Variants in TLE3 observed in about 807,000 individuals in gnomAD.
TLE3 encodes transducin-like enhancer protein 3.
Under a neutral mutation model 93.0 loss-of-function variants are expected in TLE3, and 14 were observed. That is an observed-to-expected ratio of 0.15 (90% CI 0.10 to 0.24). The LOEUF is 0.24. Ranked by LOEUF, TLE3 falls within the 10% of genes least tolerant of loss-of-function variation. The pLI is 1.00. For missense variants in TLE3, 693 were observed against 1,046.6 expected, an observed-to-expected ratio of 0.66 and a Z score of 4.66; for synonymous variants, 451 against 425.0, an observed-to-expected ratio of 1.06 and a Z score of -0.75.
chr15:70,097,306 C>T lies in TLE3; in HGVS notation c.-508G>A, dbSNP rs1194379403. On this transcript the variant is annotated 5_prime_UTR_variant, in exon 1 of 20. Coordinates refer to ENST00000451782, the MANE Select transcript of TLE3 (RefSeq NM_001105192.3). ...ATCCTAGAGGCGTCCGGGCCTGGGG[C>T]TCGCGGCGAGAAGAGGAAGGAGGCG... 2 of 401,066 alleles carry T rather than the reference C, an allele frequency of 5.0e-6. No individual in the cohort carries two copies. The highest frequency in any genetic ancestry group is 8.8e-6 in the Non-Finnish European group (2 of 227,878). The allele number at this position is 401,066 out of a possible 1,614,324, so 24.8% of individuals were successfully genotyped here. A position where few individuals can be genotyped will look rare whatever the true frequency, so the allele number is the denominator to read the frequency against.
At chr15:70,066,519 T>C (rs192069697) in intron 6 of TLE3, 213 of 323,878 alleles carry the variant, frequency 6.6e-4, no homozygotes, top group African/African-American at 4.2e-3. Context: ...AGATAAAGAA[T>C]GCATGCATTT....
Position 70,058,761 on chromosome 15 carries a change from C to T in TLE3, c.820G>A (p.Asp274Asn). 2 of 1,609,766 alleles carry T rather than the reference C, an allele frequency of 1.2e-6. No homozygotes were observed. The highest frequency in any genetic ancestry group is 8.5e-7 in the Non-Finnish European group (1 of 1,178,202). Residue 274 changes from aspartate (D) to asparagine (N), a missense_variant, in exon 11 of 20, where the codon GAC (aspartate) becomes AAC (asparagine). This residue lies in a region of TLE3 where 405 missense variants were observed against 468.9 expected (regional missense o/e 0.86). Coordinates refer to ENST00000451782, the MANE Select transcript of TLE3 (RefSeq NM_001105192.3). The surrounding 1 kb of genome is among the most constrained non-coding windows in gnomAD (Gnocchi z 4.1). Reference protein sequence around the residue: ...PAHSPPENGLDKARSLKKDAP... With the variant: ...PAHSPPENGLNKARSLKKDAP... ...TCTTTTTTCAGGCTACGGGCCTTGT[C>T]CAGCCCATTTTCAGGAGGGGAGTGT... is the stretch of plus-strand genomic sequence containing the variant.
rs148453730 is a variant in TLE3 at position 70,090,361 on chromosome 15, A to C, written c.234+4171T>G. Among the ~76,000 whole-genome samples the C allele has an allele frequency of 3.6e-3, 551 of 152,300 alleles. 3 individuals carry two copies. Among genetic ancestry groups the C allele is most frequent in the African/African-American group, 0.013 (526 of 41,558 alleles). ...AAAGAAAAAAAAAATTTCACAGCTC[A>C]ACTCAGATGCCACACAAATAGGCAC... is the stretch of plus-strand genomic sequence containing the variant. On this transcript the variant is annotated intron_variant, in intron 4 of 19. Transcript: ENST00000451782.
chr15:70,090,765 G>A (rs1312368504), intron 4 of TLE3, among the ~76,000 whole-genome samples: 1 of 152,130 alleles, frequency 6.6e-6, no homozygotes, highest in Non-Finnish European at 1.5e-5. Flanking sequence ...TATGCATTAT[G>A]TATTATTATT....
chr15:70,055,532 T>C (rs954678703), intron 14 of TLE3: 2 of 460,586 alleles, frequency 4.3e-6, no homozygotes, highest in Non-Finnish European at 7.3e-6. Context: ...TTGCTTCAAA[T>C]CAGACCAGAA....
At chr15:70,078,378 T>C (rs1042989965) in intron 4 of TLE3, among the ~76,000 whole-genome samples, 5 of 151,898 alleles carry the variant, frequency 3.3e-5, no homozygotes, top group Non-Finnish European at 7.4e-5. Flanking sequence ...TAGAAAGATA[T>C]GTAAAAAACA....
At position 70,097,408 on chromosome 15, in the gene TLE3, C is replaced by G. The variant is rs957564229; in HGVS notation, c.-610G>C. 18 of 410,150 alleles carry G rather than the reference C, an allele frequency of 4.4e-5. No individual in the cohort carries two copies. In the East Asian group the frequency reaches 5.7e-4, roughly 13 times the overall value. The allele number at this position is 410,150 out of a possible 1,614,324, so 25.4% of individuals were successfully genotyped here. On this transcript the variant is annotated 5_prime_UTR_variant, in exon 1 of 20. Transcript: ENST00000451782. The stretch of plus-strand genomic sequence containing the variant: ...GAGCCCGGCGCGGGCGCTTCGACGC[C>G]CCCCCTCGGAGAGGAGAGCCTGCTG...
At chr15:70,061,098 T>C (rs1198199337) in intron 8 of TLE3, among the ~76,000 whole-genome samples, 1 of 152,088 alleles carries the variant, frequency 6.6e-6, no homozygotes, top group East Asian at 1.9e-4. Context: ...TGAGCAATAC[T>C]TCATTTGCTG....
chr15:70,061,132 G>T (rs977496297), intron 8 of TLE3, among the ~76,000 whole-genome samples: 1 of 152,188 alleles, frequency 6.6e-6, no homozygotes, highest in African/African-American at 2.4e-5. Flanking sequence ...TGGGGAGATT[G>T]ATAGGGAAGG....
At chr15:70,079,804 A>T (rs2057669442) in intron 4 of TLE3, among the ~76,000 whole-genome samples, 1 of 152,104 alleles carries the variant, frequency 6.6e-6, no homozygotes, top group Non-Finnish European at 1.5e-5. Context: ...GTGTGCATCC[A>T]CAATAACCCC....
chr15:70,067,290 C>G (rs925977117), intron 6 of TLE3, among the ~76,000 whole-genome samples: 1 of 152,202 alleles, frequency 6.6e-6, no homozygotes, highest in African/African-American at 2.4e-5. Context: ...TGGTATCCAC[C>G]TATGCACACA....
intron 19 of TLE3, chr15:70,051,122 A>G: frequency 3.0e-6 from 1 of 329,296 alleles, no homozygotes; most frequent in Non-Finnish European, 5.7e-6. Context: ...TCACTCTCCA[A>G]ATCCGACAAG....
chr15:70,059,135 C>T (rs574728044), intron 10 of TLE3, among the ~76,000 whole-genome samples: 3 of 152,138 alleles, frequency 2.0e-5, no homozygotes, highest in Non-Finnish European at 4.4e-5. Flanking sequence ...CGGAGGATCA[C>T]GGGGAATAGA....
intron 4 of TLE3, among the ~76,000 whole-genome samples, chr15:70,080,890 T>C (rs1378569330): frequency 6.6e-6 from 1 of 152,146 alleles, no homozygotes; most frequent in Non-Finnish European, 1.5e-5. Context: ...AGCCAGTCCT[T>C]GCCCTTATTT....
chr15:70,055,359 G>A, intron 14 of TLE3, 61 bp from the exon 15 acceptor site: 1 of 1,525,234 alleles, frequency 6.6e-7, no homozygotes, highest in Non-Finnish European at 8.8e-7. Flanking sequence ...GTTCCCATAG[G>A]CCTGGCCCAG....
At chr15:70,067,175 C>T (rs2056867332) in intron 6 of TLE3, among the ~76,000 whole-genome samples, 1 of 152,194 alleles carries the variant, frequency 6.6e-6, no homozygotes, top group African/African-American at 2.4e-5. Context: ...CTCCAGAGGC[C>T]CAACTTCCCC....
rs980310275 is a variant in TLE3 at position 70,054,231 on chromosome 15, C to T, written c.1826+207G>A. The T allele has an allele frequency of 4.8e-6, 3 of 627,748 alleles. No individual in the cohort carries two copies. In the African/African-American group the frequency reaches 5.5e-5, roughly 12 times the overall value. 38.9% of individuals were successfully genotyped at this position (627,748 alleles called of 1,614,324 possible). A position where few individuals can be genotyped will look rare whatever the true frequency, so the allele number is the denominator to read the frequency against. On this transcript the variant is annotated intron_variant, in intron 16 of 19. Coordinates refer to ENST00000451782, the MANE Select transcript of TLE3 (RefSeq NM_001105192.3). ...CTCCACTTTCTTCCCAGAGCCCTCTCCAACTCCTGGGCCCAATGGCCCTCC... is the reference window on the plus strand; with the variant it reads ...CTCCACTTTCTTCCCAGAGCCCTCTTCAACTCCTGGGCCCAATGGCCCTCC...
chr15:70,079,500 T>G (rs774596231), intron 4 of TLE3: 5 of 465,580 alleles, frequency 1.1e-5, no homozygotes, highest in Non-Finnish European at 2.1e-5. Flanking sequence ...CCCTCCCAGC[T>G]GTCACTGTGC....
At position 70,082,680 on chromosome 15, in the gene TLE3, C is replaced by G. The variant is rs562136765; in HGVS notation, c.235-6522G>C. Among the ~76,000 whole-genome samples the G allele has an allele frequency of 4.7e-4, 72 of 152,328 alleles. 1 individual carries two copies. Among genetic ancestry groups the G allele is most frequent in the African/African-American group, 1.6e-3 (65 of 41,574 alleles). ...CTTGGTACAAGAAAGGCCCAGCCCCCCTCAGCGTGACCCTGAGGATCTGTC... is the reference window on the plus strand; with the variant it reads ...CTTGGTACAAGAAAGGCCCAGCCCCGCTCAGCGTGACCCTGAGGATCTGTC... On this transcript the variant is annotated intron_variant, in intron 4 of 19. Coordinates refer to ENST00000451782, the MANE Select transcript of TLE3 (RefSeq NM_001105192.3).
Sources: gnomAD v4.1 joint callset for allele counts (sites outside exome capture counted in the v4.1 genomes callset) on GRCh38, gnomAD v4.1.1 for gene constraint, gnomAD v4.1.1 regional missense constraint, Gnocchi (gnomAD v3.1) non-coding constraint, MANE v1.5 for transcripts, NCBI Gene and HGNC (gene_info 2026-07-23, HGNC 2026-07-21) for gene names.